SLC23A2: variants seen among roughly 807,000 people sequenced by gnomAD.
SLC23A2 encodes solute carrier family 23 member 2, also known as Na(+)/L-ascorbic acid transporter 2.
A neutral mutation model predicts 73.3 loss-of-function variants in SLC23A2; 36 were observed. That is an observed-to-expected ratio of 0.49 (90% CI 0.38 to 0.65). The LOEUF (loss-of-function observed/expected upper bound fraction) is 0.65, where lower values mean the gene tolerates loss of function less well. Ranked by LOEUF, SLC23A2 falls within the 30% of genes least tolerant of loss-of-function variation. The pLI is 0.00. For synonymous variants in SLC23A2, 343 were observed against 327.3 expected (o/e 1.05, Z -0.52); for missense variants, 507 against 841.6 (o/e 0.60, Z 4.92).
chr20:4,873,721 C>T (rs369509381), intron 11 of SLC23A2, among the ~76,000 whole-genome samples: 2 of 152,176 alleles, frequency 1.3e-5, no homozygotes, highest in South Asian at 2.1e-4. Context: ...AGAGACAGCT[C>T]GCTAATGTGA....
intron 7 of SLC23A2, 91 bp downstream of exon 7, chr20:4,885,730 A>AT (rs913566784): frequency 2.3e-5 from 20 of 878,818 alleles, no homozygotes; most frequent in Non-Finnish European, 3.5e-5. Context: ...TCTTGAAAGG[A>AT]TTTAGCGCTG....
chr20:4,907,863 G>C lies in SLC23A2; in HGVS notation c.207+5017C>G, dbSNP rs148906233. On this transcript the variant is annotated intron_variant, in intron 4 of 16. Coordinates refer to ENST00000338244, the MANE Select transcript of SLC23A2 (RefSeq NM_005116.6). The stretch of plus-strand genomic sequence containing the variant: ...AAAACAATCATTCTTACTAAGGAAG[G>C]CCTTAAAATTCAAACAGACATTTAA... 4.2e-3 allele frequency among the ~76,000 whole-genome samples: 643 copies of C among 152,136 alleles called. 4 individuals carry two copies. Among genetic ancestry groups the C allele is most frequent in the African/African-American group, 0.014 (585 of 41,530 alleles).
intron 1 of SLC23A2, among the ~76,000 whole-genome samples, chr20:4,992,247 T>TAA (rs2087937759): frequency 6.6e-6 from 1 of 152,130 alleles, no homozygotes; most frequent in Non-Finnish European, 1.5e-5. Context: ...AAAGAACAGA[T>TAA]AAACTGACTA....
chr20:4,928,843 A>C (rs1347720503), intron 3 of SLC23A2, among the ~76,000 whole-genome samples: 1 of 152,236 alleles, frequency 6.6e-6, no homozygotes, highest in Non-Finnish European at 1.5e-5. Context: ...TTGGATCTGG[A>C]AATTAATGCT....
chr20:4,861,434 T>G (rs1929960557), intron 15 of SLC23A2, among the ~76,000 whole-genome samples: 1 of 152,242 alleles, frequency 6.6e-6, no homozygotes, highest in African/African-American at 2.4e-5. Context: ...ATATTACCAG[T>G]AGCAATGGCT....
chr20:4,858,776 C>G (rs1929837317), intron 16 of SLC23A2, among the ~76,000 whole-genome samples: 1 of 152,180 alleles, frequency 6.6e-6, no homozygotes, highest in Non-Finnish European at 1.5e-5. Flanking sequence ...AGGCAGCTGC[C>G]TCCAGGCATC....
intron 4 of SLC23A2, among the ~76,000 whole-genome samples, chr20:4,912,041 T>G (rs1379341534): frequency 6.7e-6 from 1 of 150,332 alleles, no homozygotes; most frequent in Non-Finnish European, 1.5e-5. Context: ...GACAGGATCT[T>G]GCTACGTTGC....
At chr20:4,939,883 A>C (rs2087014389) in intron 2 of SLC23A2, among the ~76,000 whole-genome samples, 1 of 152,256 alleles carries the variant, frequency 6.6e-6, no homozygotes, top group African/African-American at 2.4e-5. Context: ...TGAAAAACCA[A>C]AGAAACAGAG....
At chr20:4,930,283 CTTCAAG>C (rs1395845876) in intron 3 of SLC23A2, among the ~76,000 whole-genome samples, 1 of 152,218 alleles carries the variant, frequency 6.6e-6, no homozygotes, top group Admixed American at 6.5e-5. Flanking sequence ...CCCATTCACT[CTTCAAG>C]TTCATCTAAT....
chr20:4,857,335 C>CA lies in SLC23A2; in HGVS notation c.1721-132dup. 1 of 526,556 alleles carries CA rather than the reference C, an allele frequency of 1.9e-6. No individual in the cohort carries two copies. The highest frequency in any genetic ancestry group is 3.4e-5 in the Admixed American group (1 of 29,260). The allele number at this position is 526,556 out of a possible 1,614,324, so 32.6% of individuals were successfully genotyped here. ...ACACACACACACACACACACACACA[C>CA]ATGGTCCCACAGATCAAACCTGCCT... On this transcript the variant is annotated intron_variant, in intron 16 of 16. Transcript: ENST00000338244. The surrounding 1 kb of genome is among the most constrained non-coding windows in gnomAD (Gnocchi z 4.0).
chr20:4,940,680 T>G (rs1035955895), intron 2 of SLC23A2, among the ~76,000 whole-genome samples: 4 of 152,198 alleles, frequency 2.6e-5, no homozygotes, highest in African/African-American at 9.7e-5. Flanking sequence ...TAACTTGCCT[T>G]TTTACATAAC....
At position 4,862,986 on chromosome 20, in the gene SLC23A2, C is replaced by A; in HGVS notation, c.1357-79G>T. 6.9e-7 allele frequency: 1 copy of A among 1,439,052 alleles called. No homozygotes were observed. The highest frequency in any genetic ancestry group is 9.5e-7 in the Non-Finnish European group (1 of 1,048,452). The allele number at this position is 1,439,052 out of a possible 1,614,324, so 89.1% of individuals were successfully genotyped here. ...CCGTAAGTTACTAAAGAACACACAG[C>A]AGAGATACCCATGGCCTGGCTCGCT... On this transcript the variant is annotated intron_variant, in intron 13 of 16. Transcript: ENST00000338244. This position sits in a 1 kb window ranked among gnomAD's most constrained non-coding sequence, Gnocchi z 5.1.
At chr20:4,959,909 A>G (rs6116596) in intron 2 of SLC23A2, among the ~76,000 whole-genome samples, 3,654 of 152,236 alleles carry the variant, frequency 0.024, 156 homozygotes, top group African/African-American at 0.083. Context: ...TCAGCCTCAT[A>G]AGTAGAGAGA....
chr20:5,007,961 G>T (rs2122408321), intron 1 of SLC23A2, among the ~76,000 whole-genome samples: 1 of 151,640 alleles, frequency 6.6e-6, no homozygotes, highest in South Asian at 2.1e-4. Flanking sequence ...CCAGGCTAGA[G>T]TGCAATGGCA....
chr20:4,949,038 C>A (rs1291530674), intron 2 of SLC23A2, among the ~76,000 whole-genome samples: 1 of 152,048 alleles, frequency 6.6e-6, no homozygotes, highest in Non-Finnish European at 1.5e-5. Flanking sequence ...GTAACCCCTG[C>A]ACTTTGGGAG....
chr20:4,868,149 G>A lies in SLC23A2; in HGVS notation c.1251-274C>T, dbSNP rs905513328. The stretch of plus-strand genomic sequence containing the variant: ...GGCTGGAATGCAGTGACGCGATCTT[G>A]GCTCACTGCAACCTCCACCTCCTGG... On this transcript the variant is annotated intron_variant, in intron 12 of 16. Transcript: ENST00000338244. The surrounding 1 kb of genome is among the most constrained non-coding windows in gnomAD (Gnocchi z 4.4). 2.1e-5 allele frequency among the ~76,000 whole-genome samples: 3 copies of A among 142,798 alleles called. No individual in the cohort carries two copies. Among genetic ancestry groups the A allele is most frequent in the Non-Finnish European group, 4.5e-5 (3 of 67,034 alleles). The allele number at this position is 142,798 out of a possible 152,430, so 93.7% of individuals were successfully genotyped here. A position where few individuals can be genotyped will look rare whatever the true frequency, so the allele number is the denominator to read the frequency against.
Position 4,862,010 on chromosome 20 carries a change from C to T in SLC23A2, c.1562G>A (p.Gly521Glu), listed in dbSNP as rs1929984741. The T allele has an allele frequency of 6.2e-7, 1 of 1,614,050 alleles. No homozygotes were observed. The highest frequency in any genetic ancestry group is 1.7e-5 in the Admixed American group (1 of 60,008). Residue 521 changes from glycine (G) to glutamate (E), a missense_variant, in exon 15 of 17, where the codon GGA becomes GAA. Coordinates refer to ENST00000338244, the MANE Select transcript of SLC23A2 (RefSeq NM_005116.6). This position sits in a 1 kb window ranked among gnomAD's most constrained non-coding sequence, Gnocchi z 5.1. ...GACGAGCCCAAAGAAGATCGAAAAT[C>T]CAAGCACAAAGAGGTTCCGGGAAGA... ...LNSSRNLFVL[G>E]FSIFFGLVLP... is the part of the protein sequence containing the mutation.
intron 7 of SLC23A2, 56 bp downstream of exon 7, chr20:4,885,765 C>G (rs1474014388): frequency 4.0e-6 from 5 of 1,255,950 alleles, no homozygotes; most frequent in Non-Finnish European, 5.9e-6. Flanking sequence ...TCCAGGCCTC[C>G]CTTTACACCT....
At chr20:4,870,733 T>C (rs1930416155) in intron 11 of SLC23A2, among the ~76,000 whole-genome samples, 1 of 152,194 alleles carries the variant, frequency 6.6e-6, no homozygotes, top group African/African-American at 2.4e-5. Context: ...ATAGCCCTGC[T>C]GTACAGAGCA....
Sources: allele counts gnomAD v4.1 joint callset (sites outside exome capture counted in the v4.1 genomes callset), GRCh38; gene constraint gnomAD v4.1.1; non-coding constraint Gnocchi (gnomAD v3.1); transcripts MANE v1.5; gene names NCBI Gene and HGNC (gene_info 2026-07-23, HGNC 2026-07-21).